The following CNTN5 variants were observed in gnomAD, a reference collection of about 807,000 sequenced individuals.
The protein encoded by CNTN5 is contactin 5.
Under a neutral mutation model 129.1 loss-of-function variants are expected in CNTN5, and 77 were observed. The observed-to-expected ratio is 0.60, with a 90% CI of 0.50 to 0.72. CNTN5 has a LOEUF of 0.72. CNTN5 is among the 30% of genes least tolerant of loss of function. The pLI is 0.00. For synonymous variants in CNTN5, 509 were observed against 465.6 expected, an observed-to-expected ratio of 1.09 and a Z score of -1.20; for missense variants, 1,478 against 1,328.8, an observed-to-expected ratio of 1.11 and a Z score of -1.75.
At chr11:99,563,625 G>A (rs558843419) in intron 3 of CNTN5, among the ~76,000 whole-genome samples, 3 of 142,982 alleles carry the variant, frequency 2.1e-5, no homozygotes, top group African/African-American at 7.8e-5. Flanking sequence ...CTTCTGGTCT[G>A]GGCAGCCTCA....
intron 15 of CNTN5, among the ~76,000 whole-genome samples, chr11:100,217,969 G>C (rs987255854): frequency 2.0e-5 from 3 of 152,120 alleles, no homozygotes; most frequent in Admixed American, 6.5e-5. Flanking sequence ...TCCCAACATG[G>C]TCCCTTCTAC....
At chr11:99,592,886 G>A (rs1305245449) in intron 3 of CNTN5, among the ~76,000 whole-genome samples, 1 of 152,130 alleles carries the variant, frequency 6.6e-6, no homozygotes, top group East Asian at 1.9e-4. Context: ...GGTAACAGAG[G>A]ATGTGGAGCT....
rs62601472 is a variant in CNTN5, at chr11:99,132,217, A to T, written c.-210+110947A>T. 2.0e-5 allele frequency among the ~76,000 whole-genome samples: 3 copies of T among 151,916 alleles called. No individual in the cohort carries two copies. In the South Asian group the frequency reaches 6.2e-4, roughly 32 times the overall value. ...TTTAACATCCTTTCATGTTAAAAAA[A>T]AAAAACTCTCAATAAACTAGGTATT... On this transcript the variant is annotated intron_variant, in intron 1 of 24. Coordinates refer to ENST00000524871, the MANE Select transcript of CNTN5 (RefSeq NM_014361.4).
chr11:100,260,759 A>T (rs1320377649), intron 17 of CNTN5, among the ~76,000 whole-genome samples: 3 of 152,226 alleles, frequency 2.0e-5, no homozygotes, highest in African/African-American at 7.2e-5. Flanking sequence ...TTCATGCTAA[A>T]AACTCTCAAT....
At chr11:100,244,480 C>A (rs2138691133) in intron 16 of CNTN5, among the ~76,000 whole-genome samples, 1 of 152,264 alleles carries the variant, frequency 6.6e-6, no homozygotes, top group African/African-American at 2.4e-5. Context: ...ACTCAGCCTT[C>A]ATCTTTCAAA....
At chr11:100,331,759 T>A (rs1951911735) in intron 21 of CNTN5, among the ~76,000 whole-genome samples, 1 of 152,070 alleles carries the variant, frequency 6.6e-6, no homozygotes. Flanking sequence ...GAAATCAAGA[T>A]GGAAATTTAA....
intron 17 of CNTN5, among the ~76,000 whole-genome samples, chr11:100,263,830 A>G (rs1432101254): frequency 6.6e-6 from 1 of 152,090 alleles, no homozygotes; most frequent in Non-Finnish European, 1.5e-5. Flanking sequence ...CCTCTTGCCT[A>G]CAGCCATGCT....
chr11:100,341,290 A>T, intron 23 of CNTN5, 85 bp downstream of exon 23: 1 of 921,382 alleles, frequency 1.1e-6, no homozygotes, highest in East Asian at 2.4e-5. Context: ...GCATAAAAAG[A>T]CCCATTAACC....
intron 13 of CNTN5, among the ~76,000 whole-genome samples, chr11:100,154,866 G>GT (rs922171547): frequency 4.0e-5 from 6 of 150,986 alleles, no homozygotes; most frequent in South Asian, 4.2e-4. Flanking sequence ...TTTTTGATGG[G>GT]TTTTTTTTCT....
At chr11:99,665,725 G>C (rs1952766600) in intron 3 of CNTN5, among the ~76,000 whole-genome samples, 1 of 151,960 alleles carries the variant, frequency 6.6e-6, no homozygotes, top group African/African-American at 2.4e-5. Context: ...GACCTCAAGT[G>C]ATCAGTCTGC....
chr11:100,250,072 GA>G (rs1286874213), intron 16 of CNTN5, among the ~76,000 whole-genome samples: 1 of 151,940 alleles, frequency 6.6e-6, no homozygotes, highest in African/African-American at 2.4e-5. Flanking sequence ...CCATCATTTA[GA>G]AAAGTTAGCT....
intron 3 of CNTN5, among the ~76,000 whole-genome samples, chr11:99,584,206 G>A (rs531329661): frequency 8.5e-5 from 13 of 152,118 alleles, no homozygotes; most frequent in African/African-American, 2.9e-4. Flanking sequence ...TCCCTTTTGG[G>A]GGACAAAGTA....
chr11:100,222,697 C>A (rs1949290353), intron 15 of CNTN5, among the ~76,000 whole-genome samples: 1 of 151,822 alleles, frequency 6.6e-6, no homozygotes, highest in Admixed American at 6.6e-5. Flanking sequence ...ACAAAAGGCA[C>A]TATCTTTCAG....
intron 8 of CNTN5, among the ~76,000 whole-genome samples, chr11:99,984,270 A>G (rs1938532992): frequency 6.6e-6 from 1 of 151,838 alleles, no homozygotes; most frequent in Non-Finnish European, 1.5e-5. Flanking sequence ...GCTAGACTCC[A>G]TCACAAAAAA....
rs988629709 is a variant in CNTN5, at chr11:99,844,774, G to C, written c.278-78G>C. ...AAAAGAGCAAGAATTTTGAATATAA[G>C]TAAGATGGAAAAGAAAAAAACACAA... On this transcript the variant is annotated intron_variant, in intron 4 of 24. Coordinates refer to ENST00000524871, the MANE Select transcript of CNTN5 (RefSeq NM_014361.4). 2.1e-6 allele frequency: 3 copies of C among 1,400,688 alleles called. No homozygotes were observed. The South Asian group carries it at 4.1e-5, about 19-fold the overall frequency. 86.8% of individuals were successfully genotyped at this position (1,400,688 alleles called of 1,614,324 possible).
chr11:99,181,288 C>T (rs755676296), intron 1 of CNTN5, among the ~76,000 whole-genome samples: 5 of 152,180 alleles, frequency 3.3e-5, no homozygotes, highest in Non-Finnish European at 7.3e-5. Context: ...GCCCAGGGAA[C>T]AGGAAGAGTT....
chr11:100,137,777 A>G (rs1416240739), intron 13 of CNTN5, among the ~76,000 whole-genome samples: 12 of 152,164 alleles, frequency 7.9e-5, no homozygotes, highest in African/African-American at 2.9e-4. Context: ...ATTGAAATAC[A>G]TTATAAAAAG....
chr11:100,143,867 A>G (rs1391131100), intron 13 of CNTN5, among the ~76,000 whole-genome samples: 1 of 152,050 alleles, frequency 6.6e-6, no homozygotes, highest in Non-Finnish European at 1.5e-5. Flanking sequence ...GTGTGATTTG[A>G]GCTTTTTTCC....
chr11:99,775,907 G>A (rs1164331413), intron 3 of CNTN5, among the ~76,000 whole-genome samples: 2 of 151,984 alleles, frequency 1.3e-5, no homozygotes, highest in Non-Finnish European at 2.9e-5. Flanking sequence ...AATAAATAAA[G>A]ACATTAGAAT....
Sources: allele counts gnomAD v4.1 joint callset (sites outside exome capture counted in the v4.1 genomes callset), GRCh38; gene constraint gnomAD v4.1.1; transcripts MANE v1.5; gene names NCBI Gene and HGNC (gene_info 2026-07-23, HGNC 2026-07-21).